EYS: variants seen among roughly 807,000 people sequenced by gnomAD.
The protein encoded by EYS is EGF-like photoreceptor maintenance factor.
Under a neutral mutation model 282.1 loss-of-function variants are expected in EYS, and 250 were observed. That is an observed-to-expected ratio of 0.89 (90% CI 0.80 to 0.98). EYS has a LOEUF of 0.98. Ranked by LOEUF, EYS falls within the 50% of genes least tolerant of loss-of-function variation. The pLI is 0.00. For missense variants in EYS, 4,016 were observed against 3,709.0 expected (o/e 1.08, Z -2.15); for synonymous variants, 1,355 against 1,282.9 (o/e 1.06, Z -1.20).
chr6:65,035,748 C>T (rs893224003), intron 13 of EYS, among the ~76,000 whole-genome samples: 13 of 151,768 alleles, frequency 8.6e-5, no homozygotes, highest in Non-Finnish European at 4.4e-5. Context: ...AATGGCCATA[C>T]TGACCAAAGC....
chr6:65,504,471 T>C (rs1195411948), intron 2 of EYS, among the ~76,000 whole-genome samples: 1 of 151,766 alleles, frequency 6.6e-6, no homozygotes, highest in Non-Finnish European at 1.5e-5. Context: ...CATTCTTGCC[T>C]TGTTCCAGAC....
chr6:65,159,643 C>T (rs1028748768), intron 12 of EYS, among the ~76,000 whole-genome samples: 5 of 150,674 alleles, frequency 3.3e-5, no homozygotes, highest in African/African-American at 4.8e-5. Flanking sequence ...TATCTACTTC[C>T]GTAGGTTCTT....
chr6:64,901,293 A>ACTATATATAT (rs1767652745), intron 18 of EYS, among the ~76,000 whole-genome samples: 1 of 41,582 alleles, frequency 2.4e-5, no homozygotes, highest in East Asian at 4.7e-4. Context: ...TATGTAGTTG[A>ACTATATATAT]GTATATATAT....
At chr6:64,124,943 C>G (rs1582304823) in intron 31 of EYS, among the ~76,000 whole-genome samples, 1 of 152,204 alleles carries the variant, frequency 6.6e-6, no homozygotes, top group African/African-American at 2.4e-5. Context: ...ATGAAAATGA[C>G]TGTGTCACTG....
Position 64,321,550 on chromosome 6 carries a change from CAG to C in EYS, c.6079-14470_6079-14469del, listed in dbSNP as rs764696274. ...TACACGTGGGCCATAAAGGAGAAAA[CAG>C]AAAAATAAAGAAGTAGGATATTCCA... On this transcript the variant is annotated intron_variant, in intron 29 of 42. Transcript: ENST00000503581. Among the ~76,000 whole-genome samples the C allele has an allele frequency of 1.1e-4, 17 of 151,664 alleles. 1 individual carries two copies. The highest frequency in any genetic ancestry group is 1.1e-3 in the Admixed American group (16 of 15,192).
intron 26 of EYS, among the ~76,000 whole-genome samples, chr6:64,453,369 G>C (rs919569567): frequency 6.6e-6 from 1 of 152,330 alleles, no homozygotes; most frequent in East Asian, 1.9e-4. Flanking sequence ...AGGTGCTGGA[G>C]AGGATGTGGA....
At chr6:64,453,626 G>A (rs1775448091) in intron 26 of EYS, among the ~76,000 whole-genome samples, 1 of 152,142 alleles carries the variant, frequency 6.6e-6, no homozygotes, top group Non-Finnish European at 1.5e-5. Flanking sequence ...AACAATGATA[G>A]ACTGGATTAA....
At chr6:64,375,918 T>A (rs1269914520) in intron 29 of EYS, among the ~76,000 whole-genome samples, 2 of 152,224 alleles carry the variant, frequency 1.3e-5, no homozygotes, top group Non-Finnish European at 2.9e-5. Context: ...TTGTGTTTTC[T>A]TTCATTTTTA....
chr6:64,126,642 TCTC>T (rs1380821506), intron 31 of EYS, among the ~76,000 whole-genome samples: 6 of 152,118 alleles, frequency 3.9e-5, no homozygotes, highest in African/African-American at 1.2e-4. Context: ...TCTTCACACT[TCTC>T]CTCCTTAACT....
intron 12 of EYS, among the ~76,000 whole-genome samples, chr6:65,252,151 G>A (rs996749394): frequency 2.0e-5 from 3 of 151,904 alleles, no homozygotes; most frequent in Non-Finnish European, 4.4e-5. Flanking sequence ...CAACTTCCTG[G>A]CAAGAGGTCT....
At chr6:65,403,266 T>G (rs191160404) in intron 6 of EYS, among the ~76,000 whole-genome samples, 1 of 152,166 alleles carries the variant, frequency 6.6e-6, no homozygotes, top group East Asian at 1.9e-4. Context: ...CATGCATCCA[T>G]GGGCAGGTAA....
intron 2 of EYS, among the ~76,000 whole-genome samples, chr6:65,511,486 C>G (rs947665063): frequency 6.6e-6 from 1 of 152,046 alleles, no homozygotes; most frequent in Non-Finnish European, 1.5e-5. Flanking sequence ...CATGCTTCTA[C>G]ATATGCTTTA....
chr6:63,792,641 T>C (rs986793468), intron 37 of EYS, among the ~76,000 whole-genome samples: 2 of 151,878 alleles, frequency 1.3e-5, no homozygotes, highest in African/African-American at 4.8e-5. Flanking sequence ...ACCTGTCTTA[T>C]ACCACTTGCA....
intron 36 of EYS, among the ~76,000 whole-genome samples, chr6:63,853,267 T>C (rs73453622): frequency 0.12 from 18,301 of 152,222 alleles, 1,324 homozygotes; most frequent in African/African-American, 0.19. Context: ...CTTAGGCTGA[T>C]AAGCAACTTC....
At chr6:65,106,198 G>C (rs1018953210) in intron 12 of EYS, among the ~76,000 whole-genome samples, 1 of 151,938 alleles carries the variant, frequency 6.6e-6, no homozygotes, top group Non-Finnish European at 1.5e-5. Flanking sequence ...TGGGCTTGAA[G>C]GTAGTACGAT....
chr6:64,550,644 T>C (rs1765044328), intron 26 of EYS, among the ~76,000 whole-genome samples: 1 of 152,146 alleles, frequency 6.6e-6, no homozygotes, highest in African/African-American at 2.4e-5. Flanking sequence ...TAAAGGGTAT[T>C]CAATTAGGAA....
chr6:64,448,032 C>T (rs796684565), intron 26 of EYS, among the ~76,000 whole-genome samples: 4 of 152,312 alleles, frequency 2.6e-5, no homozygotes, highest in Non-Finnish European at 2.9e-5. Flanking sequence ...TGCAGTGCAC[C>T]GTGCGTGAGC....
At chr6:65,113,428 TAC>T (rs1775276130) in intron 12 of EYS, among the ~76,000 whole-genome samples, 1 of 151,824 alleles carries the variant, frequency 6.6e-6, no homozygotes, top group Non-Finnish European at 1.5e-5. Context: ...CCTGAGAAAA[TAC>T]AGAGTTCAGT....
At chr6:64,076,958 T>G (rs576759468) in intron 32 of EYS, among the ~76,000 whole-genome samples, 1 of 152,118 alleles carries the variant, frequency 6.6e-6, no homozygotes, top group African/African-American at 2.4e-5. Context: ...AGACCATCAC[T>G]TATTCAACTT....
Sources: allele counts gnomAD v4.1 joint callset (sites outside exome capture counted in the v4.1 genomes callset), GRCh38; gene constraint gnomAD v4.1.1; transcripts MANE v1.5; gene names NCBI Gene and HGNC (gene_info 2026-07-23, HGNC 2026-07-21).